Variants in SAG observed in about 807,000 individuals in gnomAD.
The protein encoded by SAG is S-arrestin.
SAG carries 45 observed loss-of-function variants against 55.0 expected under a neutral mutation model. The ratio of observed to expected loss-of-function variants is 0.82; its 90% CI spans 0.64 to 1.05. The LOEUF is 1.05. Among genes scored for constraint, SAG ranks in the 50% least tolerant of loss-of-function variants. The pLI, the probability that SAG is intolerant of heterozygous loss-of-function variation, is 0.00. For synonymous variants in SAG, 189 were observed against 197.4 expected, an observed-to-expected ratio of 0.96 and a Z score of 0.36; for missense variants, 455 against 512.1, an observed-to-expected ratio of 0.89 and a Z score of 1.08.
rs1700315680 is a variant in SAG at position 233,319,488 on chromosome 2, C to G, written c.181+693C>G. ...ATAATGTCACTGACTCAGTTCCATT[C>G]TAAATATGCCTTTTTGAGTGTTGCT... On this transcript the variant is annotated intron_variant, in intron 4 of 15. Transcript: ENST00000409110. This position sits in a 1 kb window ranked among gnomAD's most constrained non-coding sequence, Gnocchi z 4.4. The G allele has an allele frequency of 1.5e-6, 1 of 688,760 alleles. No individual in the cohort carries two copies. Among genetic ancestry groups the G allele is most frequent in the Non-Finnish European group, 1.8e-6 (1 of 555,866 alleles). The allele number at this position is 688,760 out of a possible 1,614,324, so 42.7% of individuals were successfully genotyped here.
chr2:233,342,679 A>T, intron 14 of SAG: 1 of 214,362 alleles, frequency 4.7e-6, no homozygotes, highest in Non-Finnish European at 9.3e-6. Context: ...TTAATTTTAG[A>T]GCACGAGGAT....
At chr2:233,334,553 A>G in intron 10 of SAG, 1 of 176,688 alleles carries the variant, frequency 5.7e-6, no homozygotes, top group Admixed American at 5.6e-5. Context: ...ACCCCCTTAT[A>G]GTGACAGTTT....
At chr2:233,328,848 G>A (rs548331075) in intron 8 of SAG, 249 of 456,654 alleles carry the variant, frequency 5.5e-4, no homozygotes, top group African/African-American at 4.5e-3. Flanking sequence ...TGGCTGTCCC[G>A]AGGGACTGGG....
intron 3 of SAG, among the ~76,000 whole-genome samples, chr2:233,316,843 C>T (rs1574930474): frequency 6.6e-6 from 1 of 152,204 alleles, no homozygotes; most frequent in African/African-American, 2.4e-5. Context: ...GCATATTATA[C>T]ACCTACCAAA....
chr2:233,331,575 C>T (rs1700763283), intron 9 of SAG, 65 bp from the exon 10 acceptor site: 12 of 1,033,410 alleles, frequency 1.2e-5, no homozygotes, highest in East Asian at 7.2e-5. Context: ...CCTGGGAGGC[C>T]GCAGGGAAAG....
At chr2:233,325,647 G>C (rs780051523) in intron 6 of SAG, among the ~76,000 whole-genome samples, 1 of 152,196 alleles carries the variant, frequency 6.6e-6, no homozygotes, top group Non-Finnish European at 1.5e-5. Context: ...CTCTATAAGA[G>C]AGACCCCAAA....
chr2:233,320,489 G>C, intron 4 of SAG, 141 bp from the exon 5 acceptor site: 2 of 597,086 alleles, frequency 3.3e-6, no homozygotes, highest in Non-Finnish European at 5.7e-6. Context: ...GAGTAGCTGG[G>C]TGGCAGGGTT....
chr2:233,338,086 GAC>G (rs1700994845), intron 11 of SAG, among the ~76,000 whole-genome samples: 1 of 152,222 alleles, frequency 6.6e-6, no homozygotes, highest in Admixed American at 6.5e-5. Context: ...GGGTGCTGGG[GAC>G]ACACAGCTGG....
At position 233,323,152 on chromosome 2, in the gene SAG, G is replaced by C. The variant is rs962326913; in HGVS notation, c.435+147G>C. ...TGGCTCACTGCAACCTGTGGTTTCT[G>C]GGCTCAAGTGATTCTCTAGCCTCAG... On this transcript the variant is annotated intron_variant, in intron 6 of 15. Coordinates refer to ENST00000409110, the MANE Select transcript of SAG (RefSeq NM_000541.5). 14 of 658,172 alleles carry C rather than the reference G, an allele frequency of 2.1e-5. No homozygotes were observed. In the African/African-American group the frequency reaches 2.2e-4, roughly 10 times the overall value. 40.8% of individuals were successfully genotyped at this position (658,172 alleles called of 1,614,324 possible). A position where few individuals can be genotyped will look rare whatever the true frequency, so the allele number is the denominator to read the frequency against.
Position 233,329,169 on chromosome 2 carries a change from A to G in SAG, c.649-324A>G, listed in dbSNP as rs572587220. On this transcript the variant is annotated intron_variant, in intron 8 of 15. Coordinates refer to ENST00000409110, the MANE Select transcript of SAG (RefSeq NM_000541.5). Reference sequence around the variant, plus strand: ...GTGGGTGTGCCAGGGGCTGTGTTACACGGGCTCTGCTGGGTGGGATGCCAG... The same window carrying G: ...GTGGGTGTGCCAGGGGCTGTGTTACGCGGGCTCTGCTGGGTGGGATGCCAG... 9 of 369,168 alleles carry G rather than the reference A, an allele frequency of 2.4e-5. No individual in the cohort carries two copies. In the East Asian group the frequency reaches 5.5e-4, roughly 23 times the overall value. 22.9% of individuals were successfully genotyped at this position (369,168 alleles called of 1,614,324 possible).
At chr2:233,332,195 T>C (rs1334611617) in intron 10 of SAG, 1 of 159,004 alleles carries the variant, frequency 6.3e-6, no homozygotes, top group Non-Finnish European at 1.4e-5. Context: ...TCCCCTTTGT[T>C]AGAATCAAAA....
intron 3 of SAG, among the ~76,000 whole-genome samples, chr2:233,317,923 TCTTTA>T (rs1172561075): frequency 2.6e-5 from 4 of 152,244 alleles, no homozygotes; most frequent in African/African-American, 7.2e-5. Flanking sequence ...AGGATCTTTT[TCTTTA>T]CTTAGTAAAA....
chr2:233,323,014 A>G lies in SAG; in HGVS notation c.435+9A>G. ...CACAAGATTCAGGGAAGGTTAGTTC[A>G]AGAAGAAATGCCATGGTTTTATGGA... On this transcript the variant is annotated intron_variant, in intron 6 of 15. Coordinates refer to ENST00000409110, the MANE Select transcript of SAG (RefSeq NM_000541.5). The G allele has an allele frequency of 6.5e-7, 1 of 1,529,088 alleles. No individual in the cohort carries two copies. Among genetic ancestry groups the G allele is most frequent in the Non-Finnish European group, 8.9e-7 (1 of 1,118,376 alleles). The allele number at this position is 1,529,088 out of a possible 1,614,324, so 94.7% of individuals were successfully genotyped here.
rs150984494 is a variant in SAG, at chr2:233,340,875, G to C, written c.1046+397G>C. Among the ~76,000 whole-genome samples, 16 of 151,650 alleles carry C rather than the reference G, an allele frequency of 1.1e-4. No homozygotes were observed. Among genetic ancestry groups the C allele is most frequent in the African/African-American group, 3.4e-4 (14 of 41,272 alleles). ...GTGGCCCAGCCTGGAGTGCAGTGAC[G>C]TGATCTCGGCTCACCGTGACCTCCA... is the stretch of plus-strand genomic sequence containing the variant. On this transcript the variant is annotated intron_variant, in intron 13 of 15. Transcript: ENST00000409110. This position sits in a 1 kb window ranked among gnomAD's most constrained non-coding sequence, Gnocchi z 4.2.
rs692 is a variant in SAG, at chr2:233,346,919, C to T, written c.*7C>T. On this transcript the variant is annotated 3_prime_UTR_variant, in exon 16 of 16. Transcript: ENST00000409110. Reference sequence around the variant, plus strand: ...GAATGACGTTGATGAGTGAAGATGTCGGCTCAGGATGCCGGAAAATGACCT... The same window carrying T: ...GAATGACGTTGATGAGTGAAGATGTTGGCTCAGGATGCCGGAAAATGACCT... 0.019 allele frequency: 29,678 copies of T among 1,552,246 alleles called. 627 individuals carry two copies. Among genetic ancestry groups the T allele is most frequent in the Admixed American group, 0.1 (6,125 of 58,834 alleles).
Position 233,309,194 on chromosome 2 carries a change from C to T in SAG, c.5C>T (p.Ala2Val), listed in dbSNP as rs779256859. 3.1e-6 allele frequency: 5 copies of T among 1,613,326 alleles called. No individual in the cohort carries two copies. Among genetic ancestry groups the T allele is most frequent in the Non-Finnish European group, 4.2e-6 (5 of 1,179,548 alleles). The change falls in exon 2 of 16, where the codon GCA (alanine) becomes GTA (valine). Residue 2 changes from alanine to valine, a missense_variant. Ala to Val is a moderately conservative substitution (Grantham distance 64). Transcript: ENST00000409110. Reference sequence around the variant, plus strand: ...AAGTTGCCAGGGACAGATAACATGGCAGCCAGCGGGAAGACCAGCAAGTCC... The same window carrying T: ...AAGTTGCCAGGGACAGATAACATGGTAGCCAGCGGGAAGACCAGCAAGTCC... M[A>V]ASGKTSKSEP... is the part of the protein sequence containing the mutation.
chr2:233,336,097 GA>G (rs1158805984), intron 11 of SAG, among the ~76,000 whole-genome samples: 1 of 152,242 alleles, frequency 6.6e-6, no homozygotes, highest in Non-Finnish European at 1.5e-5. Flanking sequence ...AGCTCCGGGA[GA>G]GAGAATATCA....
At chr2:233,321,480 T>C (rs1014818134) in intron 5 of SAG, among the ~76,000 whole-genome samples, 2 of 152,206 alleles carry the variant, frequency 1.3e-5, no homozygotes, top group Non-Finnish European at 2.9e-5. Flanking sequence ...CCTGAATACA[T>C]TATACTAAAT....
Position 233,309,422 on chromosome 2 carries a change from G to A in SAG, c.75+158G>A, listed in dbSNP as rs550320571. 435 of 622,730 alleles carry A rather than the reference G, an allele frequency of 7.0e-4. 1 individual carries two copies. The highest frequency in any genetic ancestry group is 5.5e-3 in the African/African-American group (299 of 54,522). 38.6% of individuals were successfully genotyped at this position (622,730 alleles called of 1,614,324 possible). A position where few individuals can be genotyped will look rare whatever the true frequency, so the allele number is the denominator to read the frequency against. On this transcript the variant is annotated intron_variant, in intron 2 of 15. Transcript: ENST00000409110. ...TCCCAGCACTTTGGGAGGCGGAGGC[G>A]GGATAACTTGAGGCCAGGAGTTCGA...
Sources: allele counts gnomAD v4.1 joint callset (sites outside exome capture counted in the v4.1 genomes callset), GRCh38; gene constraint gnomAD v4.1.1; non-coding constraint Gnocchi (gnomAD v3.1); transcripts MANE v1.5; gene names NCBI Gene and HGNC (gene_info 2026-07-23, HGNC 2026-07-21).